The following ISY1 variants were observed in gnomAD, a reference collection of about 807,000 sequenced individuals.
ISY1 encodes the protein pre-mRNA-splicing factor ISY1 homolog.
In ISY1, 12 loss-of-function variants were observed where a neutral mutation model predicts 54.4. That is an observed-to-expected ratio of 0.22 (90% CI 0.14 to 0.36). The LOEUF is 0.36. Among genes scored for constraint, ISY1 ranks in the 10% least tolerant of loss-of-function variants. The pLI is 1.00. For synonymous variants in ISY1, 96 were observed against 117.9 expected, an observed-to-expected ratio of 0.81 and a Z score of 1.20; for missense variants, 282 against 342.2, an observed-to-expected ratio of 0.82 and a Z score of 1.39.
In ISY1 at chr3:129,160,958, G is replaced by T; in HGVS notation, c.3+15C>A. The T allele has an allele frequency of 1.7e-5, 5 of 287,440 alleles. No homozygotes were observed. Among genetic ancestry groups the T allele is most frequent in the African/African-American group, 5.8e-5 (1 of 17,368 alleles). The allele number at this position is 287,440 out of a possible 1,614,324, so 17.8% of individuals were successfully genotyped here. A position where few individuals can be genotyped will look rare whatever the true frequency, so the allele number is the denominator to read the frequency against. ...CGCCCATCCACTCGCTCCCTCACCC[G>T]CCCACCCTACTCACCATGGTGTCGC... On this transcript the variant is annotated intron_variant, in intron 1 of 10. Transcript: ENST00000393295.
intron 5 of ISY1, among the ~76,000 whole-genome samples, chr3:129,150,003 C>T (rs1936918622): frequency 6.7e-6 from 1 of 149,840 alleles, no homozygotes; most frequent in African/African-American, 2.4e-5. Flanking sequence ...AAAAAGTCAA[C>T]TGACCATTTA....
In ISY1 at chr3:129,130,117, G is replaced by T. The variant is rs778141833; in HGVS notation, c.822C>A (p.Ala274=). The T allele has an allele frequency of 6.2e-7, 1 of 1,611,522 alleles. No homozygotes were observed. Among genetic ancestry groups the T allele is most frequent in the South Asian group, 1.1e-5 (1 of 90,816 alleles). The change falls in exon 11 of 11, where the codon GCC becomes GCA. Residue 274 remains alanine, a synonymous_variant. Transcript: ENST00000393295. ...LQKYASETLQ[A]QSEEARRLLG... is the part of the protein sequence containing the mutation. ...GGAGCCTTCTGGCTTCTTCACTTTG[G>T]GCCTGCAGGGTCTCGCTTGCATACT...
rs952020105 is a variant in ISY1 at position 129,140,474 on chromosome 3, A to G, written c.312T>C (p.Pro104=). Residue 104 remains proline (P), a synonymous_variant, in exon 7 of 11, where the codon CCT becomes CCC. Transcript: ENST00000393295. ...LGGPDYGKVG[P]KMLDHEGKEV... is the part of the protein sequence containing the mutation. ...CTTTTCCTTCATGATCCAGCATTTT[A>G]GGGCCAACTTTCTTATTGGGAAGAA... 4.4e-6 allele frequency: 7 copies of G among 1,606,910 alleles called. No homozygotes were observed. The highest frequency in any genetic ancestry group is 3.5e-5 in the Admixed American group (2 of 57,838).
At position 129,140,443 on chromosome 3, in the gene ISY1, G is replaced by A. The variant is rs1424403346; in HGVS notation, c.343C>T (p.Pro115Ser). 1.2e-6 allele frequency: 2 copies of A among 1,613,142 alleles called. No individual in the cohort carries two copies. Among genetic ancestry groups the A allele is most frequent in the South Asian group, 2.2e-5 (2 of 90,724 alleles). The change falls in exon 7 of 11, where the codon CCA becomes TCA. Residue 115 changes from proline to serine, a missense_variant. Physicochemically the swap from Pro to Ser is moderately conservative, Grantham distance 74. This residue lies in a region of ISY1 where 279 missense variants were observed against 323.6 expected (regional missense o/e 0.86). Coordinates refer to ENST00000393295, the MANE Select transcript of ISY1 (RefSeq NM_020701.4). ...KMLDHEGKEV[P>S]GNRGYKYFGA... ...AAGTACTTGTAACCTCGGTTTCCTG[G>A]GACTTCTTTTCCTTCATGATCCAGC...
At chr3:129,138,983 G>A (rs1162338517) in intron 7 of ISY1, among the ~76,000 whole-genome samples, 1 of 151,868 alleles carries the variant, frequency 6.6e-6, no homozygotes, top group Non-Finnish European at 1.5e-5. Flanking sequence ...TGCCCAGGCT[G>A]GAGCGCAGTG....
intron 9 of ISY1, among the ~76,000 whole-genome samples, chr3:129,131,960 G>T (rs1022837612): frequency 1.3e-5 from 2 of 152,068 alleles, no homozygotes; most frequent in Non-Finnish European, 2.9e-5. Flanking sequence ...CTCCTGAGTA[G>T]CTGGGACTAT....
At chr3:129,140,295 C>G (rs181238539) in intron 7 of ISY1, 73 bp downstream of exon 7, 13 of 1,306,616 alleles carry the variant, frequency 9.9e-6, no homozygotes, top group East Asian at 2.4e-5. Flanking sequence ...AAAGTAAGAG[C>G]AGTTAGCATA....
intron 1 of ISY1, among the ~76,000 whole-genome samples, chr3:129,160,509 G>C (rs985202787): frequency 8.6e-5 from 13 of 152,024 alleles, no homozygotes; most frequent in Admixed American, 8.5e-4. Flanking sequence ...CTCTGTGTCA[G>C]ACATTAAGGA....
intron 5 of ISY1, among the ~76,000 whole-genome samples, chr3:129,154,194 G>A (rs1937062598): frequency 6.9e-6 from 1 of 145,774 alleles, no homozygotes; most frequent in African/African-American, 2.6e-5. Context: ...AGTGAGCTGA[G>A]ATGGCGCCAC....
At chr3:129,139,532 C>A (rs1181066941) in intron 7 of ISY1, among the ~76,000 whole-genome samples, 2 of 152,090 alleles carry the variant, frequency 1.3e-5, no homozygotes, top group Non-Finnish European at 2.9e-5. Context: ...AAATCAAAAC[C>A]GACTAAAACT....
chr3:129,151,693 T>C (rs955740601), intron 5 of ISY1, among the ~76,000 whole-genome samples: 3 of 152,244 alleles, frequency 2.0e-5, no homozygotes, highest in African/African-American at 7.2e-5. Context: ...TATTATTTTC[T>C]AATCTTTATG....
chr3:129,160,901 C>A, intron 1 of ISY1, 72 bp downstream of exon 1: 1 of 1,524,690 alleles, frequency 6.6e-7, no homozygotes, highest in Non-Finnish European at 8.8e-7. Context: ...CGAATGAGCG[C>A]CCCAGGTGGA....
At chr3:129,151,317 T>A (rs1936962464) in intron 5 of ISY1, among the ~76,000 whole-genome samples, 1 of 151,688 alleles carries the variant, frequency 6.6e-6, no homozygotes, top group Admixed American at 6.6e-5. Context: ...TTCCTTGGGA[T>A]TTTCTACATA....
intron 6 of ISY1, 96 bp downstream of exon 6, chr3:129,145,665 T>C: frequency 8.4e-7 from 1 of 1,184,120 alleles, no homozygotes; most frequent in East Asian, 2.3e-5. Context: ...TTCATAGCTT[T>C]CCTGTATCAA....
intron 1 of ISY1, among the ~76,000 whole-genome samples, chr3:129,160,141 T>C (rs1172179626): frequency 1.3e-5 from 2 of 152,032 alleles, no homozygotes; most frequent in Non-Finnish European, 2.9e-5. Flanking sequence ...TTCTCCTGCC[T>C]CAGCCTCCCG....
chr3:129,157,605 C>T (rs1267628790), intron 3 of ISY1, among the ~76,000 whole-genome samples: 4 of 151,178 alleles, frequency 2.6e-5, no homozygotes, highest in Non-Finnish European at 5.9e-5. Context: ...CCTGTAATTC[C>T]AGCTACTCAG....
chr3:129,134,167 T>C lies in ISY1; in HGVS notation c.570A>G (p.Lys190=), dbSNP rs1199615138. Residue 190 remains lysine (K), a synonymous_variant, in exon 9 of 11, where the codon AAA becomes AAG. Transcript: ENST00000393295. ...TTGCCAGCCGAGCCTCTCTCTCTGC[T>C]TTCCACTTTTCCACTAACTCGGCTC... ...KLRAELVEKW[K]AEREARLARG... The C allele has an allele frequency of 6.2e-7, 1 of 1,614,106 alleles. No homozygotes were observed. Among genetic ancestry groups the C allele is most frequent in the Non-Finnish European group, 8.5e-7 (1 of 1,180,054 alleles).
chr3:129,144,255 T>C (rs1257256611), intron 6 of ISY1: 3 of 339,064 alleles, frequency 8.8e-6, no homozygotes, highest in Admixed American at 7.2e-5. Flanking sequence ...ATAAAATAAA[T>C]GAAAAGAAAA....
chr3:129,143,870 T>C (rs1006096796), intron 6 of ISY1, among the ~76,000 whole-genome samples: 4 of 152,104 alleles, frequency 2.6e-5, no homozygotes, highest in Non-Finnish European at 4.4e-5. Flanking sequence ...GCTGCACTTA[T>C]GTAATGGGAT....
Sources: gnomAD v4.1 joint callset for allele counts (sites outside exome capture counted in the v4.1 genomes callset) on GRCh38, gnomAD v4.1.1 for gene constraint, gnomAD v4.1.1 regional missense constraint, MANE v1.5 for transcripts, NCBI Gene and HGNC (gene_info 2026-07-23, HGNC 2026-07-21) for gene names.